AZIN2: variants seen among roughly 807,000 people sequenced by gnomAD.
AZIN2 encodes ODC antizyme inhibitor-2.
In AZIN2, 28 loss-of-function variants were observed where a neutral mutation model predicts 47.8. The observed-to-expected ratio is 0.59, with a 90% confidence interval of 0.43 to 0.80. AZIN2 has a LOEUF of 0.80. Ranked by LOEUF, AZIN2 falls within the 30% of genes least tolerant of loss-of-function variation. The pLI, the probability that AZIN2 is intolerant of heterozygous loss-of-function variation, is 0.00. For synonymous variants in AZIN2, 221 were observed against 239.4 expected (o/e 0.92, Z 0.71); for missense variants, 535 against 582.5 (o/e 0.92, Z 0.84).
chr1:33,130,857 G>A, the AZIN2 span, among the ~76,000 whole-genome samples: 8 of 152,212 alleles, frequency 5.3e-5, no homozygotes, highest in African/African-American at 1.4e-4. Context: ...GGCTGTGCAG[G>A]TGAAGAGCAG....
In AZIN2 at chr1:33,122,313, C is replaced by T. The variant is rs991522051; in HGVS notation, c.*2131C>T. ...GGGCATTCTGTGGCTTTTGAAATGA[C>T]AGTGGCTGTCATGGAGTTTGGATGG... On this transcript the variant is annotated 3_prime_UTR_variant, in exon 12 of 12. Transcript: ENST00000294517. Among the ~76,000 whole-genome samples the T allele has an allele frequency of 1.3e-5, 2 of 152,170 alleles. No homozygotes were observed. The highest frequency in any genetic ancestry group is 2.4e-5 in the African/African-American group (1 of 41,438).
At chr1:33,126,838 G>A (rs971052603), downstream of AZIN2, among the ~76,000 whole-genome samples, 1 of 152,140 alleles carries the variant, frequency 6.6e-6, no homozygotes, top group Non-Finnish European at 1.5e-5. Context: ...TTTAGCATAC[G>A]TGTCTCATTG....
At chr1:33,147,687 C>CT in the AZIN2 span, 2 of 1,613,390 alleles carry the variant, frequency 1.2e-6, no homozygotes, top group African/African-American at 2.7e-5. This position sits in a 1 kb window ranked among gnomAD's most constrained non-coding sequence, Gnocchi z 8.1. Context: ...GGATCAGGCG[C>CT]TGGTGGGCTG....
chr1:33,134,620 A>G, the AZIN2 span, among the ~76,000 whole-genome samples: 10 of 152,268 alleles, frequency 6.6e-5, no homozygotes, highest in African/African-American at 2.4e-4. Context: ...TGCTGCACAG[A>G]TAGTGAGCTC....
chr1:33,120,476 C>T lies in AZIN2; in HGVS notation c.*294C>T. 2.7e-6 allele frequency: 1 copy of T among 375,342 alleles called. No individual in the cohort carries two copies. The highest frequency in any genetic ancestry group is 6.9e-5 in the South Asian group (1 of 14,532). 23.3% of individuals were successfully genotyped at this position (375,342 alleles called of 1,614,324 possible). On this transcript the variant is annotated 3_prime_UTR_variant, in exon 12 of 12. Transcript: ENST00000294517. ...TCTTGGGGTCTCCTTTGGTCTCCTT[C>T]CCACCTTTGTAAATATAATGCAAAT...
At chr1:33,102,265 G>A (rs547550996) in intron 10 of AZIN2, among the ~76,000 whole-genome samples, 1 of 152,184 alleles carries the variant, frequency 6.6e-6, no homozygotes, top group Non-Finnish European at 1.5e-5. Flanking sequence ...AAAGCTGGAT[G>A]TCTCTTTGTA....
chr1:33,144,880 A>G, the AZIN2 span, among the ~76,000 whole-genome samples: 3 of 152,052 alleles, frequency 2.0e-5, no homozygotes, highest in African/African-American at 7.2e-5. Context: ...CCAGGCACTG[A>G]CTCTGGGAGG....
chr1:33,094,432 C>A (rs550543785), intron 7 of AZIN2, 116 bp from the exon 8 acceptor site: 16 of 1,109,432 alleles, frequency 1.4e-5, no homozygotes, highest in Non-Finnish European at 7.8e-6. Context: ...TTGGTCACTG[C>A]ATCTGTAAAA....
At chr1:33,132,658 T>C in the AZIN2 span, among the ~76,000 whole-genome samples, 1 of 152,318 alleles carries the variant, frequency 6.6e-6, no homozygotes, top group East Asian at 1.9e-4. Context: ...CTTCTCATAC[T>C]CTGTTGTCAT....
chr1:33,165,282 C>T, the AZIN2 span: 3 of 528,330 alleles, frequency 5.7e-6, no homozygotes, highest in East Asian at 6.6e-5. This position sits in a 1 kb window ranked among gnomAD's most constrained non-coding sequence, Gnocchi z 4.0. Context: ...GGGTGGGTGC[C>T]GCCCCATTGA....
intron 5 of AZIN2, among the ~76,000 whole-genome samples, chr1:33,090,553 C>T (rs1569942344): frequency 6.6e-6 from 1 of 152,196 alleles, no homozygotes; most frequent in Admixed American, 6.5e-5. Flanking sequence ...CTTTCTAATA[C>T]ACCAGCAGTG....
At chr1:33,145,830 G>A in the AZIN2 span, 1 of 470,182 alleles carries the variant, frequency 2.1e-6, no homozygotes, top group Non-Finnish European at 4.4e-6. Context: ...AACGCAGGTG[G>A]GGCTTGCTCC....
chr1:33,089,039 C>G (rs1289086404), intron 5 of AZIN2, among the ~76,000 whole-genome samples: 1 of 152,148 alleles, frequency 6.6e-6, no homozygotes, highest in South Asian at 2.1e-4. Flanking sequence ...AATAGATGCT[C>G]AAAAATACCC....
At chr1:33,134,627 G>T in the AZIN2 span, among the ~76,000 whole-genome samples, 2 of 152,150 alleles carry the variant, frequency 1.3e-5, no homozygotes, top group African/African-American at 4.8e-5. Flanking sequence ...CAGATAGTGA[G>T]CTCCCTGGCA....
rs565332194 is a variant in AZIN2 at position 33,082,131 on chromosome 1, C to T, written c.-72-47C>T. The T allele has an allele frequency of 1.4e-4, 112 of 827,738 alleles. No individual in the cohort carries two copies. In the African/African-American group the frequency reaches 1.6e-3, roughly 12 times the overall value. The allele number at this position is 827,738 out of a possible 1,614,324, so 51.3% of individuals were successfully genotyped here. The stretch of plus-strand genomic sequence containing the variant: ...TGGCCTCGGGAGGCGAGTGGGGCAG[C>T]AGAGCCGGCCCCCCAGCGGTTCCCT... On this transcript the variant is annotated intron_variant, in intron 3 of 11. Transcript: ENST00000294517.
the AZIN2 span, among the ~76,000 whole-genome samples, chr1:33,156,462 C>T: frequency 6.6e-6 from 1 of 152,202 alleles, no homozygotes; most frequent in Non-Finnish European, 1.5e-5. Context: ...CTGTTAGCCA[C>T]TCTCTCCTGG....
the AZIN2 span, chr1:33,165,443 C>T: frequency 1.3e-3 from 1,961 of 1,554,618 alleles, 22 homozygotes; most frequent in African/African-American, 0.024. The surrounding 1 kb of genome is among the most constrained non-coding windows in gnomAD (Gnocchi z 4.0). Flanking sequence ...CTCTGCCGGC[C>T]CCACCTCCGC....
chr1:33,158,997 C>T, the AZIN2 span, among the ~76,000 whole-genome samples: 732 of 152,116 alleles, frequency 4.8e-3, 6 homozygotes, highest in African/African-American at 0.016. Flanking sequence ...CCTGCCACCA[C>T]GCCCGGCTAA....
At chr1:33,136,249 C>T in the AZIN2 span, among the ~76,000 whole-genome samples, 1 of 149,702 alleles carries the variant, frequency 6.7e-6, no homozygotes, top group Non-Finnish European at 1.5e-5. Flanking sequence ...TTTCCTTTCT[C>T]TCTTTCTTTT....
Sources: gnomAD v4.1 joint callset for allele counts (sites outside exome capture counted in the v4.1 genomes callset) on GRCh38, gnomAD v4.1.1 for gene constraint, Gnocchi (gnomAD v3.1) non-coding constraint, MANE v1.5 for transcripts, NCBI Gene and HGNC (gene_info 2026-07-23, HGNC 2026-07-21) for gene names.